E4F1: variants seen among roughly 807,000 people sequenced by gnomAD.
E4F1 encodes E4F transcription factor 1.
A neutral mutation model predicts 72.9 loss-of-function variants in E4F1; 30 were observed. The ratio of observed to expected loss-of-function variants is 0.41; its 90% confidence interval spans 0.31 to 0.56. The LOEUF is 0.56. Among genes scored for constraint, E4F1 ranks in the 20% least tolerant of loss-of-function variants. The probability of loss-of-function intolerance (pLI) is 0.25; values close to 1 mark genes in which losing one functional copy is unlikely to be tolerated. For synonymous variants in E4F1, 542 were observed against 478.2 expected, an observed-to-expected ratio of 1.13 and a Z score of -1.74; for missense variants, 1,091 against 1,117.5, an observed-to-expected ratio of 0.98 and a Z score of 0.34.
chr16:2,229,789 G>A, intron 3 of E4F1, 114 bp downstream of exon 3: 2 of 1,195,700 alleles, frequency 1.7e-6, no homozygotes, highest in Non-Finnish European at 2.4e-6. Context: ...CTGGCTGGGA[G>A]GGGCCGCGGC....
At chr16:2,229,867 G>A in intron 3 of E4F1, 192 bp downstream of exon 3, 2 of 595,716 alleles carry the variant, frequency 3.4e-6, no homozygotes, top group Non-Finnish European at 3.0e-6. Context: ...GCCTTCCTCA[G>A]GTGTCCACAG....
At chr16:2,225,151 C>T (rs1207609684) in intron 1 of E4F1, among the ~76,000 whole-genome samples, 3 of 151,376 alleles carry the variant, frequency 2.0e-5, no homozygotes, top group African/African-American at 7.3e-5. Context: ...AGACGGAGGT[C>T]GCAGTAAGCC....
At chr16:2,230,789 T>TC (rs1317725779) in intron 3 of E4F1, 1 of 146,514 alleles carries the variant, frequency 6.8e-6, no homozygotes. Context: ...CACTCAGAGC[T>TC]CGGAATGTTC....
intron 1 of E4F1, 42 bp downstream of exon 1, chr16:2,223,812 G>T (rs2093413656): frequency 1.3e-6 from 2 of 1,535,968 alleles, no homozygotes; most frequent in African/African-American, 1.4e-5. Context: ...GGTGCGGGCA[G>T]TTCATCCCGG....
Position 2,233,191 on chromosome 16 carries a change from C to T in E4F1, c.1056+8C>T, listed in dbSNP as rs373359809. ...AAAGCCCTGGCCCCAGAGGTGGGGG[C>T]GACGGGGGGCCCCGGAGGGCTGCTC... is the stretch of plus-strand genomic sequence containing the variant. On this transcript the variant is annotated splice_region_variant and intron_variant, in intron 7 of 13. Coordinates refer to ENST00000301727, the MANE Select transcript of E4F1 (RefSeq NM_004424.5). 121 of 1,591,672 alleles carry T rather than the reference C, an allele frequency of 7.6e-5. No individual in the cohort carries two copies. The highest frequency in any genetic ancestry group is 9.1e-5 in the Non-Finnish European group (106 of 1,166,338).
chr16:2,227,266 A>T (rs890440188), intron 1 of E4F1, among the ~76,000 whole-genome samples: 2 of 151,928 alleles, frequency 1.3e-5, no homozygotes, highest in African/African-American at 4.8e-5. Context: ...CTGGAGTGCA[A>T]TGGGGAGATC....
intron 1 of E4F1, among the ~76,000 whole-genome samples, chr16:2,226,566 G>A (rs565177160): frequency 6.6e-6 from 1 of 152,344 alleles, no homozygotes; most frequent in South Asian, 2.1e-4. Context: ...CATCAGGCCT[G>A]GGTTTGATCC....
At position 2,233,499 on chromosome 16, in the gene E4F1, A is replaced by C; in HGVS notation, c.1118A>C (p.Gln373Pro). 7.3e-6 allele frequency: 11 copies of C among 1,512,332 alleles called. No individual in the cohort carries two copies. In the South Asian group the frequency reaches 1.4e-4, roughly 20 times the overall value. 93.7% of individuals were successfully genotyped at this position (1,512,332 alleles called of 1,614,324 possible). ...GGCAGCCGTGAGAACCTGCTGCACC[A>C]GGCCATGCAGAACTCCGGCATCGTC... Reference protein sequence around the residue: ...SEGSRENLLHQAMQNSGIVLE... With the variant: ...SEGSRENLLHPAMQNSGIVLE... Residue 373 changes from glutamine (Q) to proline (P), a missense_variant, in exon 8 of 14, where the codon CAG becomes CCG. Gln to Pro is a moderately conservative substitution (Grantham distance 76, BLOSUM62 -1). Around this residue, in one of 5 missense-constraint regions of E4F1, gnomAD observed 622 missense variants for 628.0 expected, o/e 0.99. Transcript: ENST00000301727.
intron 1 of E4F1, among the ~76,000 whole-genome samples, chr16:2,225,968 C>T (rs1453405369): frequency 1.3e-5 from 2 of 152,078 alleles, no homozygotes; most frequent in East Asian, 3.9e-4. Context: ...TGGCAGGCGC[C>T]TGTAGTCACA....
At chr16:2,228,585 C>T (rs1047467383) in intron 2 of E4F1, 62 bp downstream of exon 2, 12 of 1,569,720 alleles carry the variant, frequency 7.6e-6, no homozygotes, top group East Asian at 4.6e-5. Flanking sequence ...GGGAGGTGGC[C>T]GCGCTTCAGG....
intron 5 of E4F1, 73 bp downstream of exon 5, chr16:2,232,649 A>G (rs2093475190): frequency 7.5e-6 from 12 of 1,604,202 alleles, no homozygotes; most frequent in Non-Finnish European, 8.5e-6. Flanking sequence ...CCAGCCTCGC[A>G]TTCCCCAGCT....
intron 1 of E4F1, chr16:2,223,993 G>C (rs2093415380): frequency 2.0e-6 from 3 of 1,470,078 alleles, no homozygotes; most frequent in South Asian, 2.6e-5. Flanking sequence ...TCTGGTGTGC[G>C]TCCACAAGTG....
At chr16:2,225,386 C>G (rs529037675) in intron 1 of E4F1, among the ~76,000 whole-genome samples, 3 of 151,876 alleles carry the variant, frequency 2.0e-5, no homozygotes, top group African/African-American at 7.2e-5. Context: ...GTAACCCCAA[C>G]ACTTTGGGAG....
At position 2,234,924 on chromosome 16, in the gene E4F1, G is replaced by T. The variant is rs374700250; in HGVS notation, c.1858G>T (p.Val620Phe). Residue 620 changes from valine to phenylalanine, a missense_variant, in exon 12 of 14, where the codon GTC becomes TTC. Physicochemically the swap from Val to Phe is conservative, Grantham distance 50 (BLOSUM62 -1). This residue lies in a region of E4F1 where 622 missense variants were observed against 628.0 expected (regional missense o/e 0.99). Transcript: ENST00000301727. Reference sequence around the variant, plus strand: ...GGACAGCCCCGCGGCAGCCACCACCGTCCTCACGGAAGACCCGCACACAGT... The same window carrying T: ...GGACAGCCCCGCGGCAGCCACCACCTTCCTCACGGAAGACCCGCACACAGT... ...SEDSPAAATT[V>F]LTEDPHTVLV... The T allele has an allele frequency of 6.4e-7, 1 of 1,560,262 alleles. No homozygotes were observed. The highest frequency in any genetic ancestry group is 8.7e-7 in the Non-Finnish European group (1 of 1,152,198).
chr16:2,232,474 C>T lies in E4F1; in HGVS notation c.628C>T (p.His210Tyr). The T allele has an allele frequency of 6.2e-7, 1 of 1,611,006 alleles. No homozygotes were observed. ...CCCACAGGGCAGCATCCTCAAGGCC[C>T]ACATGGTCACTCACAGCAGCCGCAA... ...TFKTGSILKA[H>Y]MVTHSSRKDH... Residue 210 changes from histidine (H) to tyrosine (Y), a missense_variant, in exon 5 of 14, where the codon CAC (histidine) becomes TAC (tyrosine). Coordinates refer to ENST00000301727, the MANE Select transcript of E4F1 (RefSeq NM_004424.5).
intron 8 of E4F1, 115 bp downstream of exon 8, chr16:2,233,762 G>A: frequency 7.0e-7 from 1 of 1,429,282 alleles, no homozygotes; most frequent in Non-Finnish European, 9.4e-7. Flanking sequence ...CCATTGATCT[G>A]TTTACTGCCT....
In E4F1 at chr16:2,232,592, C is replaced by T. The variant is rs772104258; in HGVS notation, c.730+16C>T. 23 of 1,611,002 alleles carry T rather than the reference C, an allele frequency of 1.4e-5. No individual in the cohort carries two copies. In the South Asian group the frequency reaches 2.5e-4, roughly 18 times the overall value. On this transcript the variant is annotated intron_variant, in intron 5 of 13. Transcript: ENST00000301727. ...CGGCACACGGGTGAGCTGGCCGCAC[C>T]TCGGGCTGGAGCCCGGTAGCACCCC...
At chr16:2,229,890 C>T (rs2093456643) in intron 3 of E4F1, 7 of 545,622 alleles carry the variant, frequency 1.3e-5, no homozygotes, top group South Asian at 1.2e-4. Context: ...GCCGGGGGCA[C>T]ACCCAGGCAC....
Position 2,225,802 on chromosome 16 carries a change from A to AT in E4F1, c.157+2032_157+2033insT, listed in dbSNP as rs1234849033. 6.2e-3 allele frequency among the ~76,000 whole-genome samples: 917 copies of AT among 148,004 alleles called. 11 individuals are homozygous for AT. Among genetic ancestry groups the AT allele is most frequent in the African/African-American group, 0.022 (864 of 38,410 alleles). ...CAGTCTCTGTTTAGGAAAAAAAAAAAAAAAAAAAAAAGGCTGGGCGCAATG... is the reference window on the plus strand; with the variant it reads ...CAGTCTCTGTTTAGGAAAAAAAAAAATAAAAAAAAAAAGGCTGGGCGCAATG... On this transcript the variant is annotated intron_variant, in intron 1 of 13. Transcript: ENST00000301727.
Sources: gnomAD v4.1 joint callset for allele counts (sites outside exome capture counted in the v4.1 genomes callset) on GRCh38, gnomAD v4.1.1 for gene constraint, gnomAD v4.1.1 regional missense constraint, MANE v1.5 for transcripts, NCBI Gene and HGNC (gene_info 2026-07-23, HGNC 2026-07-21) for gene names.